The following MICU1 variants were observed in gnomAD, a reference collection of about 807,000 sequenced individuals.
MICU1 encodes the protein mitochondrial calcium uptake 1.
A neutral mutation model predicts 56.8 loss-of-function variants in MICU1; 45 were observed. The ratio of observed to expected loss-of-function variants is 0.79; its 90% CI spans 0.62 to 1.02. The LOEUF (loss-of-function observed/expected upper bound fraction) is 1.02, where lower values mean the gene tolerates loss of function less well. Among genes scored for constraint, MICU1 ranks in the 50% least tolerant of loss-of-function variants. The probability of loss-of-function intolerance (pLI) is 0.00; values close to 1 mark genes in which losing one functional copy is unlikely to be tolerated. For synonymous variants in MICU1, 186 were observed against 195.1 expected, an observed-to-expected ratio of 0.95 and a Z score of 0.39; for missense variants, 504 against 587.1, an observed-to-expected ratio of 0.86 and a Z score of 1.46.
chr10:72,491,896 C>T (rs981623495), intron 6 of MICU1, among the ~76,000 whole-genome samples: 4 of 151,846 alleles, frequency 2.6e-5, no homozygotes, highest in African/African-American at 7.2e-5. Flanking sequence ...TTTGCAAACA[C>T]TAAAAAATAA....
At chr10:72,382,601 C>T (rs1433129682) in intron 10 of MICU1, among the ~76,000 whole-genome samples, 1 of 152,098 alleles carries the variant, frequency 6.6e-6, no homozygotes. Context: ...CTAGTCAAGT[C>T]TCCTTGCAAG....
intron 8 of MICU1, among the ~76,000 whole-genome samples, chr10:72,450,067 C>T (rs1198854015): frequency 1.3e-5 from 2 of 151,934 alleles, no homozygotes; most frequent in African/African-American, 2.4e-5. Flanking sequence ...GAAATAATGG[C>T]GGGCCCAACA....
chr10:72,464,620 C>T (rs538924605), intron 8 of MICU1, among the ~76,000 whole-genome samples: 26 of 152,198 alleles, frequency 1.7e-4, no homozygotes, highest in Admixed American at 8.5e-4. Flanking sequence ...TATAGCTATA[C>T]CATCCAGGTT....
intron 1 of MICU1, among the ~76,000 whole-genome samples, chr10:72,570,268 T>C (rs7081876): frequency 0.63 from 95,682 of 151,970 alleles, 31,647 homozygotes; most frequent in African/African-American, 0.72. Context: ...TTTAAACTAC[T>C]TTGCACTTTG....
chr10:72,555,450 A>G (rs1840136491), intron 3 of MICU1, among the ~76,000 whole-genome samples: 1 of 152,226 alleles, frequency 6.6e-6, no homozygotes, highest in African/African-American at 2.4e-5. Flanking sequence ...TTTAAGTGAT[A>G]TGGACAGTGG....
At chr10:72,505,613 T>A (rs538638068) in intron 6 of MICU1, among the ~76,000 whole-genome samples, 42 of 152,298 alleles carry the variant, frequency 2.8e-4, no homozygotes, top group African/African-American at 9.4e-4. Flanking sequence ...CACAACACTA[T>A]GGAATACTAC....
At chr10:72,397,307 G>C (rs925800888) in intron 10 of MICU1, among the ~76,000 whole-genome samples, 2 of 152,094 alleles carry the variant, frequency 1.3e-5, no homozygotes, top group African/African-American at 4.8e-5. Flanking sequence ...AGAAACAACC[G>C]ATACCAGCCA....
rs893120790 is a variant in MICU1, at chr10:72,526,978, G to T, written c.537+6768C>A. Among the ~76,000 whole-genome samples the T allele has an allele frequency of 4.0e-5, 6 of 151,186 alleles. No individual in the cohort carries two copies. The South Asian group carries it at 1.0e-3, about 26-fold the overall frequency. On this transcript the variant is annotated intron_variant, in intron 5 of 11. Coordinates refer to ENST00000361114, the MANE Select transcript of MICU1 (RefSeq NM_001195518.2). ...GAAAGCACTTCTGAAGATGTCAAGT[G>T]GTACTCATGGTATATGAAACAATAA...
At chr10:72,438,161 C>A (rs1864796655) in intron 8 of MICU1, among the ~76,000 whole-genome samples, 1 of 152,184 alleles carries the variant, frequency 6.6e-6, no homozygotes, top group Admixed American at 6.5e-5. Context: ...AAGTACTCCT[C>A]AGCAAATGTA....
At chr10:72,401,446 G>A (rs889296555) in intron 10 of MICU1, among the ~76,000 whole-genome samples, 6 of 152,126 alleles carry the variant, frequency 3.9e-5, no homozygotes, top group African/African-American at 7.2e-5. Flanking sequence ...TTGAGGTCAG[G>A]AGTTTGAGAC....
At chr10:72,614,991 A>G (rs1400955342) in intron 1 of MICU1, among the ~76,000 whole-genome samples, 1 of 152,226 alleles carries the variant, frequency 6.6e-6, no homozygotes, top group Admixed American at 6.5e-5. Flanking sequence ...ATATACATTC[A>G]CCATGTTGTA....
intron 8 of MICU1, among the ~76,000 whole-genome samples, chr10:72,469,460 A>G (rs892519527): frequency 1.3e-5 from 2 of 152,256 alleles, no homozygotes; most frequent in African/African-American, 2.4e-5. Flanking sequence ...TTCATACTCA[A>G]TGAAAGGAGA....
chr10:72,575,113 A>C (rs1321766192), intron 1 of MICU1, among the ~76,000 whole-genome samples: 1 of 151,994 alleles, frequency 6.6e-6, no homozygotes, highest in African/African-American at 2.4e-5. Context: ...TGCTAAGGCT[A>C]GTTTTGAACT....
At chr10:72,393,581 G>T (rs1179896202) in intron 10 of MICU1, among the ~76,000 whole-genome samples, 1 of 152,180 alleles carries the variant, frequency 6.6e-6, no homozygotes, top group Non-Finnish European at 1.5e-5. Flanking sequence ...AACTCAGAGA[G>T]TATACAGGGG....
chr10:72,525,442 G>A (rs1336269136), intron 5 of MICU1, among the ~76,000 whole-genome samples: 5 of 152,108 alleles, frequency 3.3e-5, no homozygotes, highest in Non-Finnish European at 5.9e-5. Flanking sequence ...GGGATTTTAC[G>A]GCACAGGAAT....
At chr10:72,523,861 G>T (rs1301583346) in intron 5 of MICU1, 2 of 1,523,702 alleles carry the variant, frequency 1.3e-6, no homozygotes, top group South Asian at 1.2e-5. Context: ...TCTTTTCATG[G>T]TTTTCTCCAA....
chr10:72,614,239 A>T (rs1841926281), intron 1 of MICU1, among the ~76,000 whole-genome samples: 1 of 152,188 alleles, frequency 6.6e-6, no homozygotes, highest in South Asian at 2.1e-4. Context: ...GTTGACAAGG[A>T]TGTGTAGAAA....
At chr10:72,605,739 T>C (rs1056355015) in intron 1 of MICU1, among the ~76,000 whole-genome samples, 3 of 152,248 alleles carry the variant, frequency 2.0e-5, no homozygotes, top group Admixed American at 6.5e-5. Flanking sequence ...TACACAATTT[T>C]ATCTAAATGA....
chr10:72,587,007 A>G (rs946985825), intron 1 of MICU1, among the ~76,000 whole-genome samples: 3 of 152,138 alleles, frequency 2.0e-5, no homozygotes, highest in Non-Finnish European at 2.9e-5. Flanking sequence ...AAAAGCACCA[A>G]ATCTCAGGGC....
Sources: gnomAD v4.1 joint callset for allele counts (sites outside exome capture counted in the v4.1 genomes callset) on GRCh38, gnomAD v4.1.1 for gene constraint, MANE v1.5 for transcripts, NCBI Gene and HGNC (gene_info 2026-07-23, HGNC 2026-07-21) for gene names.